BMPR2: variants seen among roughly 807,000 people sequenced by gnomAD.
BMPR2 encodes the protein bone morphogenetic protein receptor type 2.
A neutral mutation model predicts 100.8 loss-of-function variants in BMPR2; 29 were observed. The ratio of observed to expected loss-of-function variants is 0.29; its 90% CI spans 0.21 to 0.39. The LOEUF is 0.39. BMPR2 is among the 10% of genes least tolerant of loss of function. BMPR2 has a pLI of 1.00. For missense variants in BMPR2, 1,011 were observed against 1,274.5 expected (o/e 0.79, Z 3.15); for synonymous variants, 382 against 442.3 (o/e 0.86, Z 1.71).
intron 10 of BMPR2, among the ~76,000 whole-genome samples, chr2:202,548,990 A>G (rs914346325): frequency 1.3e-5 from 2 of 152,136 alleles, no homozygotes; most frequent in Admixed American, 6.6e-5. Flanking sequence ...GAACATGTCA[A>G]TTACCCCCAG....
intron 3 of BMPR2, among the ~76,000 whole-genome samples, chr2:202,485,808 G>C (rs1413501329): frequency 6.6e-6 from 1 of 151,968 alleles, no homozygotes; most frequent in African/African-American, 2.4e-5. Flanking sequence ...GCCTCCCAAA[G>C]TGCTGAGATT....
chr2:202,437,612 T>C (rs1475550415), intron 1 of BMPR2, among the ~76,000 whole-genome samples: 2 of 150,510 alleles, frequency 1.3e-5, no homozygotes, highest in Non-Finnish European at 2.9e-5. Context: ...TTAGCAGTAA[T>C]TCTTCATTCA....
chr2:202,530,703 A>C (rs1688006765), intron 7 of BMPR2, 91 bp from the exon 8 acceptor site: 1 of 1,211,894 alleles, frequency 8.3e-7, no homozygotes, highest in Non-Finnish European at 1.2e-6. Flanking sequence ...AATGGGCAGA[A>C]AAATAATACT....
chr2:202,521,762 G>C (rs1353615556), intron 7 of BMPR2, among the ~76,000 whole-genome samples: 1 of 152,140 alleles, frequency 6.6e-6, no homozygotes, highest in African/African-American at 2.4e-5. Flanking sequence ...AGGAAGATAT[G>C]CAACCAAGGG....
In BMPR2 at chr2:202,550,797, C is replaced by CT. The variant is rs560235855; in HGVS notation, c.1414-1912dup. 6.0e-3 allele frequency among the ~76,000 whole-genome samples: 907 copies of CT among 152,020 alleles called. 4 individuals carry two copies. Among genetic ancestry groups the CT allele is most frequent in the Non-Finnish European group, 9.5e-3 (645 of 67,966 alleles). ...GAGCCTGGGCAACAGAATGAGACCT[C>CT]TTTTTTTGTTTTTGTTTTTAAAAAG... On this transcript the variant is annotated intron_variant, in intron 10 of 12. Transcript: ENST00000374580.
chr2:202,399,005 G>T (rs1477545241), intron 1 of BMPR2, among the ~76,000 whole-genome samples: 1 of 152,150 alleles, frequency 6.6e-6, no homozygotes, highest in Non-Finnish European at 1.5e-5. Context: ...GCGCATGCCT[G>T]TAACCCTAGC....
At chr2:202,382,058 GTTTTT>G (rs1216592236) in intron 1 of BMPR2, among the ~76,000 whole-genome samples, 1 of 113,646 alleles carries the variant, frequency 8.8e-6, no homozygotes, top group African/African-American at 3.2e-5. Context: ...TTTTGTTTTT[GTTTTT>G]TTTTTTTTTT....
Position 202,532,452 on chromosome 2 carries a change from G to T in BMPR2, c.1129-133G>T. ...TTTTATAGGTAAAAAATAAGTTATA[G>T]AAAGGTTTAATGACATGGTTAGGGT... On this transcript the variant is annotated intron_variant, in intron 8 of 12. Transcript: ENST00000374580. This position sits in a 1 kb window ranked among gnomAD's most constrained non-coding sequence, Gnocchi z 4.1. 1 of 1,095,662 alleles carries T rather than the reference G, an allele frequency of 9.1e-7. No individual in the cohort carries two copies. The highest frequency in any genetic ancestry group is 2.3e-5 in the Admixed American group (1 of 43,906). 67.9% of individuals were successfully genotyped at this position (1,095,662 alleles called of 1,614,324 possible). A position where few individuals can be genotyped will look rare whatever the true frequency, so the allele number is the denominator to read the frequency against.
In BMPR2 at chr2:202,566,155, T is replaced by C. The variant is rs907670311; in HGVS notation, c.*6209T>C. On this transcript the variant is annotated 3_prime_UTR_variant, in exon 13 of 13. Transcript: ENST00000374580. The stretch of plus-strand genomic sequence containing the variant: ...ACTGTATTTGAAACTACAACTTGAT[T>C]TGGTTTTCAGTTTTAAAAGGCAACA... The C allele has an allele frequency of 6.6e-6, 1 of 152,404 alleles. No homozygotes were observed. Among genetic ancestry groups the C allele is most frequent in the East Asian group, 1.9e-4 (1 of 5,202 alleles). 9.4% of individuals were successfully genotyped at this position (152,404 alleles called of 1,614,324 possible).
At chr2:202,488,979 T>A (rs1692841229) in intron 3 of BMPR2, among the ~76,000 whole-genome samples, 1 of 151,732 alleles carries the variant, frequency 6.6e-6, no homozygotes, top group South Asian at 2.1e-4. Flanking sequence ...AGTGGAATCA[T>A]AAGGTATCTG....
intron 1 of BMPR2, among the ~76,000 whole-genome samples, chr2:202,432,154 C>T (rs1481595928): frequency 6.6e-6 from 1 of 150,664 alleles, no homozygotes; most frequent in African/African-American, 2.5e-5. Context: ...ACTCTCTTCC[C>T]TTTCTTTCAT....
chr2:202,425,281 C>T (rs1214674433), intron 1 of BMPR2, among the ~76,000 whole-genome samples: 1 of 152,164 alleles, frequency 6.6e-6, no homozygotes, highest in Non-Finnish European at 1.5e-5. Flanking sequence ...AGAATAGATT[C>T]AGTCTGCCGC....
intron 3 of BMPR2, among the ~76,000 whole-genome samples, chr2:202,492,778 G>A (rs1366283845): frequency 4.7e-5 from 7 of 149,096 alleles, no homozygotes; most frequent in African/African-American, 1.7e-4. Context: ...GCTAGAGCAA[G>A]GGAAACAACT....
chr2:202,420,686 A>G (rs1691245219), intron 1 of BMPR2, among the ~76,000 whole-genome samples: 1 of 151,290 alleles, frequency 6.6e-6, no homozygotes, highest in Non-Finnish European at 1.5e-5. Context: ...AGCTGGGACC[A>G]CAGGTGCATG....
intron 3 of BMPR2, among the ~76,000 whole-genome samples, chr2:202,477,661 A>G (rs1356013688): frequency 6.6e-6 from 1 of 151,898 alleles, no homozygotes; most frequent in Admixed American, 6.6e-5. Flanking sequence ...GTGGCAGGTG[A>G]CTGTAGTCCC....
intron 11 of BMPR2, among the ~76,000 whole-genome samples, chr2:202,553,722 T>C (rs1688518847): frequency 6.6e-6 from 1 of 152,132 alleles, no homozygotes; most frequent in Admixed American, 6.6e-5. Flanking sequence ...TGTGTCTTAC[T>C]CTGTCCCCCA....
Position 202,555,433 on chromosome 2 carries a change from G to A in BMPR2, c.1768G>A (p.Glu590Lys). ...AAAAAACCGAAATTCAATTAACTAT[G>A]AACGACAGCAAGCACAAGCTCGAAT... Reference protein sequence around the residue: ...GEKNRNSINYERQQAQARIPS... With the variant: ...GEKNRNSINYKRQQAQARIPS... Residue 590 changes from glutamate (E) to lysine (K), a missense_variant, in exon 12 of 13, where the codon GAA (glutamate) becomes AAA (lysine). Coordinates refer to ENST00000374580, the MANE Select transcript of BMPR2 (RefSeq NM_001204.7). 1.2e-6 allele frequency: 2 copies of A among 1,614,092 alleles called. No individual in the cohort carries two copies. The highest frequency in any genetic ancestry group is 1.1e-5 in the South Asian group (1 of 91,072).
chr2:202,552,945 A>C (rs1574505471), intron 11 of BMPR2, 57 bp downstream of exon 11: 1 of 1,591,374 alleles, frequency 6.3e-7, no homozygotes. Context: ...GAGACCCAAC[A>C]AAGAATAGAA....
At chr2:202,416,172 T>C (rs1691121053) in intron 1 of BMPR2, among the ~76,000 whole-genome samples, 1 of 152,130 alleles carries the variant, frequency 6.6e-6, no homozygotes, top group African/African-American at 2.4e-5. Context: ...GCAGATGTGG[T>C]GGAATAGCAA....
Sources: allele counts gnomAD v4.1 joint callset (sites outside exome capture counted in the v4.1 genomes callset), GRCh38; gene constraint gnomAD v4.1.1; non-coding constraint Gnocchi (gnomAD v3.1); transcripts MANE v1.5; gene names NCBI Gene and HGNC (gene_info 2026-07-23, HGNC 2026-07-21).